Variants in ABCD3 observed in about 807,000 individuals in gnomAD.
ABCD3 encodes the protein ATP-binding cassette sub-family D member 3.
Under a neutral mutation model 105.5 loss-of-function variants are expected in ABCD3, and 41 were observed. The ratio of observed to expected loss-of-function variants is 0.39; its 90% CI spans 0.30 to 0.50. The LOEUF is 0.50. Ranked by LOEUF, ABCD3 falls within the 20% of genes least tolerant of loss-of-function variation. The pLI, the probability that ABCD3 is intolerant of heterozygous loss-of-function variation, is 0.84. For synonymous variants in ABCD3, 258 were observed against 269.0 expected, an observed-to-expected ratio of 0.96 and a Z score of 0.40; for missense variants, 622 against 806.3, an observed-to-expected ratio of 0.77 and a Z score of 2.77.
At chr1:94,417,171 A>G (rs1659049772), upstream of ABCD3, among the ~76,000 whole-genome samples, 1 of 152,208 alleles carries the variant, frequency 6.6e-6, no homozygotes, top group South Asian at 2.1e-4. Flanking sequence ...AAATGTCCAC[A>G]TGACAAATAG....
intron 21 of ABCD3, among the ~76,000 whole-genome samples, chr1:94,510,895 G>C (rs1195284597): frequency 6.6e-6 from 1 of 152,084 alleles, no homozygotes; most frequent in Non-Finnish European, 1.5e-5. Context: ...CTCTGCACGT[G>C]AGATGGGTTT....
Position 94,475,602 on chromosome 1 carries a change from T to C in ABCD3, c.504-12T>C. The stretch of plus-strand genomic sequence containing the variant: ...ACTTGTTTTAAAATCACTTTTCTTC[T>C]TGCTATTTTAGAGCTTTCACATATT... On this transcript the variant is annotated splice_polypyrimidine_tract_variant and intron_variant, in intron 6 of 22. Transcript: ENST00000370214. 1.2e-6 allele frequency: 2 copies of C among 1,608,808 alleles called. No individual in the cohort carries two copies. Among genetic ancestry groups the C allele is most frequent in the Non-Finnish European group, 1.7e-6 (2 of 1,175,818 alleles).
At chr1:94,466,085 T>G (rs769261479) in intron 3 of ABCD3, among the ~76,000 whole-genome samples, 4 of 152,188 alleles carry the variant, frequency 2.6e-5, no homozygotes, top group Non-Finnish European at 4.4e-5. Flanking sequence ...TAATGACACT[T>G]GTTTTTTCCT....
chr1:94,453,454 G>T (rs1291814010), intron 1 of ABCD3, among the ~76,000 whole-genome samples: 1 of 151,772 alleles, frequency 6.6e-6, no homozygotes, highest in Non-Finnish European at 1.5e-5. Context: ...GAGTAGCTGG[G>T]ACTACAGGTG....
At chr1:94,395,372 G>C in the ABCD3 span, among the ~76,000 whole-genome samples, 1 of 152,164 alleles carries the variant, frequency 6.6e-6, no homozygotes, top group Non-Finnish European at 1.5e-5. Context: ...TCAACAGCAG[G>C]AGGCCATTAC....
chr1:94,442,461 G>A (rs949862201), intron 1 of ABCD3, among the ~76,000 whole-genome samples: 7 of 152,090 alleles, frequency 4.6e-5, no homozygotes, highest in Non-Finnish European at 7.4e-5. Context: ...TTTTAAAATA[G>A]TCTTTACATT....
chr1:94,504,618 G>A (rs369331556), intron 20 of ABCD3, among the ~76,000 whole-genome samples: 37 of 152,280 alleles, frequency 2.4e-4, no homozygotes, highest in African/African-American at 8.9e-4. Context: ...TAGAATGTTG[G>A]GGTTAGAGCG....
the ABCD3 span, among the ~76,000 whole-genome samples, chr1:94,400,727 G>A: frequency 1.3e-5 from 2 of 152,182 alleles, no homozygotes; most frequent in Non-Finnish European, 2.9e-5. Context: ...GATAATAGCC[G>A]AGAATCCTTG....
At chr1:94,515,880 T>C (rs189760342) in intron 22 of ABCD3, among the ~76,000 whole-genome samples, 39 of 151,754 alleles carry the variant, frequency 2.6e-4, no homozygotes, top group Non-Finnish European at 4.7e-4. Flanking sequence ...TTTCTGTCTT[T>C]CCCCCTTCCC....
At position 94,477,227 on chromosome 1, in the gene ABCD3, CAAAAAAAAAAAAAAA is replaced by C. The variant is rs561060182; in HGVS notation, c.628-1018_628-1004del. Among the ~76,000 whole-genome samples, 45 of 44,320 alleles carry C rather than the reference CAAAAAAAAAAAAAAA, an allele frequency of 1.0e-3. 2 individuals carry two copies. In the East Asian group the frequency reaches 0.029, roughly 29 times the overall value. 29.1% of individuals were successfully genotyped at this position (44,320 alleles called of 152,430 possible). ...TCTAGCTTCTTGATAACTTATAAGG[CAAAAAAAAAAAAAAA>C]AAAAAAAAAAAAAGGAAAGGGAAAG... On this transcript the variant is annotated intron_variant, in intron 7 of 22. Transcript: ENST00000370214.
intron 1 of ABCD3, among the ~76,000 whole-genome samples, chr1:94,449,474 A>G (rs1660489332): frequency 6.6e-6 from 1 of 152,202 alleles, no homozygotes; most frequent in Non-Finnish European, 1.5e-5. Flanking sequence ...GGGCATATTT[A>G]TCAATCTTGG....
At position 94,499,627 on chromosome 1, in the gene ABCD3, TGAA is replaced by T. The variant is rs1649995597; in HGVS notation, c.1740+18_1740+20del. 1 of 1,613,060 alleles carries T rather than the reference TGAA, an allele frequency of 6.2e-7. No homozygotes were observed. The highest frequency in any genetic ancestry group is 8.5e-7 in the Non-Finnish European group (1 of 1,179,424). On this transcript the variant is annotated intron_variant, in intron 20 of 22. Transcript: ENST00000370214. ...GCAAAGAATGGCGGTAAGTATACTG[TGAA>T]GAAGTTGCACAAGAATGCAACTGGT...
intron 16 of ABCD3, among the ~76,000 whole-genome samples, chr1:94,493,593 G>C (rs976138196): frequency 6.6e-6 from 1 of 151,394 alleles, no homozygotes; most frequent in Non-Finnish European, 1.5e-5. Context: ...CCATTACTGG[G>C]TATATACCCA....
chr1:94,436,963 A>T (rs1409396321), intron 1 of ABCD3, among the ~76,000 whole-genome samples: 1 of 152,234 alleles, frequency 6.6e-6, no homozygotes, highest in Non-Finnish European at 1.5e-5. Flanking sequence ...CATTCCCTTA[A>T]GCTAAAACCT....
intron 1 of ABCD3, among the ~76,000 whole-genome samples, chr1:94,440,953 G>A (rs369836346): frequency 1.1e-4 from 16 of 151,010 alleles, no homozygotes; most frequent in South Asian, 4.2e-4. Flanking sequence ...TTGGAAATGC[G>A]ATAAAATGAG....
At chr1:94,477,567 C>A (rs1648821086) in intron 7 of ABCD3, among the ~76,000 whole-genome samples, 2 of 132,390 alleles carry the variant, frequency 1.5e-5, no homozygotes, top group Non-Finnish European at 1.8e-5. Flanking sequence ...CAGAGCCAGA[C>A]CCTGTCTCAA....
chr1:94,477,152 G>A (rs1288577574), intron 7 of ABCD3, among the ~76,000 whole-genome samples: 1 of 131,248 alleles, frequency 7.6e-6, no homozygotes, highest in Non-Finnish European at 1.5e-5. Flanking sequence ...TAAATTATGA[G>A]TCATTATTTT....
At chr1:94,443,810 G>C (rs1009137786) in intron 1 of ABCD3, among the ~76,000 whole-genome samples, 1 of 152,002 alleles carries the variant, frequency 6.6e-6, no homozygotes, top group Non-Finnish European at 1.5e-5. Context: ...GTTATTTCAG[G>C]GTTCTGTATT....
chr1:94,420,910 C>A (rs1032151201), intron 1 of ABCD3, among the ~76,000 whole-genome samples: 4 of 152,006 alleles, frequency 2.6e-5, no homozygotes, highest in Admixed American at 2.0e-4. Context: ...AATATATATT[C>A]CCTTAGAATT....
Sources: gnomAD v4.1 joint callset for allele counts (sites outside exome capture counted in the v4.1 genomes callset) on GRCh38, gnomAD v4.1.1 for gene constraint, MANE v1.5 for transcripts, NCBI Gene and HGNC (gene_info 2026-07-23, HGNC 2026-07-21) for gene names.